The following TNK2 variants were observed in gnomAD, a reference collection of about 807,000 sequenced individuals.
TNK2 encodes the protein tyrosine kinase non receptor 2.
TNK2 carries 83 observed loss-of-function variants against 101.8 expected under a neutral mutation model. The ratio of observed to expected loss-of-function variants is 0.82; its 90% CI spans 0.68 to 0.98. TNK2 has a LOEUF of 0.98. Among genes scored for constraint, TNK2 ranks in the 50% least tolerant of loss-of-function variants. The pLI is 0.00. For missense variants in TNK2, 1,665 were observed against 1,483.2 expected, an observed-to-expected ratio of 1.12 and a Z score of -2.01; for synonymous variants, 804 against 633.0, an observed-to-expected ratio of 1.27 and a Z score of -4.06.
chr3:195,863,371 A>G lies in TNK2; in HGVS notation c.*810T>C, dbSNP rs1481646638. On this transcript the variant is annotated 3_prime_UTR_variant, in exon 16 of 16. Coordinates refer to ENST00000672887, the MANE Select transcript of TNK2 (RefSeq NM_001382273.1). The stretch of plus-strand genomic sequence containing the variant: ...CAGGCAGGCACAAGTAAGTAACATA[A>G]AATAGAAACTAACTTTATTTCTCTG... 1.3e-5 allele frequency: 2 copies of G among 152,626 alleles called. No homozygotes were observed. Among genetic ancestry groups the G allele is most frequent in the East Asian group, 3.8e-4 (2 of 5,206 alleles). 9.5% of individuals were successfully genotyped at this position (152,626 alleles called of 1,614,324 possible). A position where few individuals can be genotyped will look rare whatever the true frequency, so the allele number is the denominator to read the frequency against.
intron 1 of TNK2, among the ~76,000 whole-genome samples, chr3:195,900,786 GGATGTGGTCTA>G (rs1349984947): frequency 6.6e-6 from 1 of 152,246 alleles, no homozygotes; most frequent in African/African-American, 2.4e-5. Flanking sequence ...CCAGAGGGAA[GGATGTGGTCTA>G]GCTCCCAGCA....
At chr3:195,889,867 G>C (rs1037744331) in intron 1 of TNK2, among the ~76,000 whole-genome samples, 1 of 152,178 alleles carries the variant, frequency 6.6e-6, no homozygotes, top group Admixed American at 6.5e-5. Flanking sequence ...AGAGGAACAG[G>C]CGAGAGAAAA....
rs988895408 is a variant in TNK2 at position 195,872,408 on chromosome 3, C to T, written c.1319G>A (p.Arg440His). 1.9e-6 allele frequency: 3 copies of T among 1,613,014 alleles called. No homozygotes were observed. The highest frequency in any genetic ancestry group is 1.7e-6 in the Non-Finnish European group (2 of 1,179,712). Residue 440 changes from arginine (R) to histidine (H), a missense_variant, in exon 10 of 16, where the codon CGC becomes CAC. Around this residue, in one of 3 missense-constraint regions of TNK2, gnomAD observed 1,136 missense variants for 894.9 expected, o/e 1.27. Transcript: ENST00000672887. ...TRTLCVGPFP[R>H]NVVTSVAGLS... The stretch of plus-strand genomic sequence containing the variant: ...GCCGGCCACGGAGGTCACCACGTTG[C>T]GAGGGAAGGGCCCCACACACAGCGT...
intron 1 of TNK2, among the ~76,000 whole-genome samples, chr3:195,902,641 A>C (rs1761328306): frequency 8.1e-6 from 1 of 123,756 alleles, no homozygotes; most frequent in South Asian, 2.3e-4. Context: ...AAAAAAAAAC[A>C]AACATAAAAA....
chr3:195,868,113 A>G lies in TNK2; in HGVS notation c.2185T>C (p.Cys729Arg). 1 of 1,611,208 alleles carries G rather than the reference A, an allele frequency of 6.2e-7. No individual in the cohort carries two copies. Among genetic ancestry groups the G allele is most frequent in the South Asian group, 1.1e-5 (1 of 90,944 alleles). Residue 729 changes from cysteine (C) to arginine (R), a missense_variant, in exon 13 of 16, where the codon TGC becomes CGC. By Grantham distance (180) the Cys-to-Arg change is radical. Coordinates refer to ENST00000672887, the MANE Select transcript of TNK2 (RefSeq NM_001382273.1). ...AEIFQALQQE[C>R]MRQLQAPAGS... is the part of the protein sequence containing the mutation. ...GCCGGAGCCTGCAGTTGCCTCATGC[A>G]CTCCTGCTGTAGCGCCTGGAAGATC...
chr3:195,867,001 C>T lies in TNK2; in HGVS notation c.3049G>A (p.Gly1017Arg), dbSNP rs762513209. 14 of 1,613,080 alleles carry T rather than the reference C, an allele frequency of 8.7e-6. No homozygotes were observed. The highest frequency in any genetic ancestry group is 1.6e-4 in the Middle Eastern group (1 of 6,084). ...AQYLKVEQLF[G>R]LGLRPRGECH... ...TCCCCTCTGGGCCGCAGACCCAGCCCGAAGAGCTGCTCCACCTGGGGGTAA... is the reference window on the plus strand; with the variant it reads ...TCCCCTCTGGGCCGCAGACCCAGCCTGAAGAGCTGCTCCACCTGGGGGTAA... The change falls in exon 15 of 16, where the codon GGG becomes AGG. Residue 1017 changes from glycine to arginine, a missense_variant. Gly to Arg is a moderately radical substitution (Grantham distance 125). Coordinates refer to ENST00000672887, the MANE Select transcript of TNK2 (RefSeq NM_001382273.1).
intron 1 of TNK2, among the ~76,000 whole-genome samples, chr3:195,894,076 C>T (rs1759643579): frequency 6.6e-6 from 1 of 152,240 alleles, no homozygotes; most frequent in African/African-American, 2.4e-5. Flanking sequence ...CTGCGTTACA[C>T]TGGAGCTGAC....
rs1037376091 is a variant in TNK2 at position 195,882,766 on chromosome 3, G to C, written c.609+391C>G. Among the ~76,000 whole-genome samples the C allele has an allele frequency of 6.6e-6, 1 of 152,192 alleles. No homozygotes were observed. Among genetic ancestry groups the C allele is most frequent in the Non-Finnish European group, 1.5e-5 (1 of 68,036 alleles). On this transcript the variant is annotated intron_variant, in intron 5 of 15. Transcript: ENST00000672887. This position sits in a 1 kb window ranked among gnomAD's most constrained non-coding sequence, Gnocchi z 4.2. Reference sequence around the variant, plus strand: ...CCAGCTACTTGGAAGCCTGAGGCAGGAATATCGCGTGAACCCAGGAGGCCG... The same window carrying C: ...CCAGCTACTTGGAAGCCTGAGGCAGCAATATCGCGTGAACCCAGGAGGCCG...
Position 195,864,307 on chromosome 3 carries a change from A to C in TNK2, c.3162-120T>G. 6 of 1,120,286 alleles carry C rather than the reference A, an allele frequency of 5.4e-6. No individual in the cohort carries two copies. The South Asian group carries it at 8.0e-5, about 15-fold the overall frequency. 69.4% of individuals were successfully genotyped at this position (1,120,286 alleles called of 1,614,324 possible). A position where few individuals can be genotyped will look rare whatever the true frequency, so the allele number is the denominator to read the frequency against. ...TGGAAGCTGGCAGTCCCCGGCAAGG[A>C]CTGTAAAATTTATCATCCTGGATGT... On this transcript the variant is annotated intron_variant, in intron 15 of 15. Transcript: ENST00000672887.
intron 1 of TNK2, chr3:195,892,571 C>T: frequency 6.7e-7 from 1 of 1,483,250 alleles, no homozygotes; most frequent in Non-Finnish European, 9.0e-7. Flanking sequence ...CCCAGGAGCC[C>T]CCCAAATCCC....
intron 1 of TNK2, among the ~76,000 whole-genome samples, chr3:195,903,291 C>T (rs752926261): frequency 2.5e-4 from 38 of 151,326 alleles, no homozygotes; most frequent in Admixed American, 6.6e-4. Context: ...CTGCACATCT[C>T]GGCCTCCCAA....
In TNK2 at chr3:195,882,237, ACAGCGTAGCGG is replaced by A; in HGVS notation, c.690_700del (p.Arg231AlafsTer4). 1 of 1,613,796 alleles carries A rather than the reference ACAGCGTAGCGG, an allele frequency of 6.2e-7. No homozygotes were observed. Among genetic ancestry groups the A allele is most frequent in the Non-Finnish European group, 8.5e-7 (1 of 1,180,020 alleles). On this transcript the variant is annotated frameshift_variant, in exon 6 of 16. Coordinates refer to ENST00000672887, the MANE Select transcript of TNK2 (RefSeq NM_001382273.1). LOFTEE classifies it high-confidence loss of function. The surrounding 1 kb of genome is among the most constrained non-coding windows in gnomAD (Gnocchi z 4.2). The stretch of plus-strand genomic sequence containing the variant: ...GTAGCCCATGCCCTCAGCCACCTGC[ACAGCGTAGCGG>A]CTCAGAGTCCCCAGGAGGAAGTGGC...
Position 195,878,291 on chromosome 3 carries a change from G to A in TNK2, c.1218C>T (p.His406=), listed in dbSNP as rs753606431. Residue 406 remains histidine, a synonymous_variant, in exon 9 of 16, where the codon CAC becomes CAT. Transcript: ENST00000672887. This position sits in a 1 kb window ranked among gnomAD's most constrained non-coding sequence, Gnocchi z 4.7. ...CGGTGATGACATCATTCATCTGGAT[G>A]TGCAGCTTGTCCGGTTCCTCAAAGT... is the stretch of plus-strand genomic sequence containing the variant. The part of the protein sequence containing the change: ...LQDFEEPDKL[H]IQMNDVITVI... 3 of 1,613,940 alleles carry A rather than the reference G, an allele frequency of 1.9e-6. No homozygotes were observed. The highest frequency in any genetic ancestry group is 2.2e-5 in the East Asian group (1 of 44,872).
In TNK2 at chr3:195,867,460, C is replaced by A; in HGVS notation, c.2838G>T (p.Gly946=). 1 of 1,587,302 alleles carries A rather than the reference C, an allele frequency of 6.3e-7. No individual in the cohort carries two copies. The highest frequency in any genetic ancestry group is 8.5e-7 in the Non-Finnish European group (1 of 1,173,932). ...TGGCCCTCGGGGGTGGTGGCCGGGC[C>A]CCTGGGTTGCTGTTGTTGGTGGAGA... ...ANFSTNNSNP[G]ARPPPPRATA... The change falls in exon 13 of 16, where the codon GGG becomes GGT. Residue 946 remains glycine (G), a synonymous_variant. Transcript: ENST00000672887.
At chr3:195,866,362 G>A (rs951231665) in intron 15 of TNK2, among the ~76,000 whole-genome samples, 8 of 152,044 alleles carry the variant, frequency 5.3e-5, no homozygotes, top group Non-Finnish European at 1.2e-4. Context: ...CACCATACCC[G>A]GTTAATTTTT....
Position 195,868,503 on chromosome 3 carries a change from G to A in TNK2, c.1795C>T (p.Pro599Ser), listed in dbSNP as rs201643400. 2,852 of 1,553,188 alleles carry A rather than the reference G, an allele frequency of 1.8e-3. 52 individuals carry two copies. In the African/African-American group the frequency reaches 0.034, roughly 19 times the overall value. ...GEEPVVPALR[P>S]CAPSLAQLAM... ...AGCTGCGCCAGGGAGGGCGCGCAGG[G>A]CCGTAGGGCCGGGACCACGGGCTCC... Residue 599 changes from proline (P) to serine (S), a missense_variant, in exon 13 of 16, where the codon CCC (proline) becomes TCC (serine). Physicochemically the swap from Pro to Ser is moderately conservative, Grantham distance 74. Around this residue, in one of 3 missense-constraint regions of TNK2, gnomAD observed 1,136 missense variants for 894.9 expected, o/e 1.27. Transcript: ENST00000672887.
At position 195,882,456 on chromosome 3, in the gene TNK2, G is replaced by C; in HGVS notation, c.610-128C>G. The C allele has an allele frequency of 1.9e-6, 3 of 1,550,508 alleles. No homozygotes were observed. In the South Asian group the frequency reaches 3.6e-5, roughly 18 times the overall value. ...CAGGCTGCACGCACCTTCCTGGCCT[G>C]CTGTCTGGGGACCTCTAGGAGTCCT... On this transcript the variant is annotated intron_variant, in intron 5 of 15. Transcript: ENST00000672887. The surrounding 1 kb of genome is among the most constrained non-coding windows in gnomAD (Gnocchi z 4.2).
At chr3:195,884,739 T>C (rs1754819390) in intron 4 of TNK2, 73 bp downstream of exon 4, 8 of 1,392,098 alleles carry the variant, frequency 5.7e-6, no homozygotes, top group Non-Finnish European at 7.9e-6. Flanking sequence ...CACACCCTGG[T>C]TGGGGGCAGA....
At chr3:195,899,893 G>C (rs895696320) in intron 1 of TNK2, among the ~76,000 whole-genome samples, 9 of 152,156 alleles carry the variant, frequency 5.9e-5, no homozygotes, top group African/African-American at 1.9e-4. Flanking sequence ...TCCCCCGTGA[G>C]CTGCTGCCAG....
Sources: gnomAD v4.1 joint callset for allele counts (sites outside exome capture counted in the v4.1 genomes callset) on GRCh38, gnomAD v4.1.1 for gene constraint, gnomAD v4.1.1 regional missense constraint, Gnocchi (gnomAD v3.1) non-coding constraint, MANE v1.5 for transcripts, NCBI Gene and HGNC (gene_info 2026-07-23, HGNC 2026-07-21) for gene names.